CSMD1: variants seen among roughly 807,000 people sequenced by gnomAD.
The protein encoded by CSMD1 is CUB and sushi domain-containing protein 1.
A neutral mutation model predicts 417.5 loss-of-function variants in CSMD1; 213 were observed. The ratio of observed to expected loss-of-function variants is 0.51; its 90% CI spans 0.46 to 0.57. The LOEUF (loss-of-function observed/expected upper bound fraction) is 0.57, where lower values mean the gene tolerates loss of function less well. Ranked by LOEUF, CSMD1 falls within the 20% of genes least tolerant of loss-of-function variation. The pLI, the probability that CSMD1 is intolerant of heterozygous loss-of-function variation, is 0.00. For missense variants in CSMD1, 6,923 were observed against 4,529.7 expected (o/e 1.53, Z -15.17); for synonymous variants, 2,862 against 1,736.8 (o/e 1.65, Z -16.11).
At chr8:4,103,075 G>C (rs1243953406) in intron 3 of CSMD1, among the ~76,000 whole-genome samples, 5 of 152,120 alleles carry the variant, frequency 3.3e-5, no homozygotes, top group East Asian at 1.9e-4. Flanking sequence ...TGTGCCCTTG[G>C]TTTTGAGCTC....
chr8:3,720,976 C>T (rs915106821), intron 6 of CSMD1, among the ~76,000 whole-genome samples: 63 of 150,462 alleles, frequency 4.2e-4, no homozygotes, highest in Non-Finnish European at 1.5e-4. Context: ...CCACTACACC[C>T]GGCTAATTTA....
chr8:4,679,345 G>C (rs189149588), intron 1 of CSMD1, among the ~76,000 whole-genome samples: 1 of 152,268 alleles, frequency 6.6e-6, no homozygotes, highest in Admixed American at 6.5e-5. Flanking sequence ...GATAAACAAT[G>C]AAATATTAAA....
intron 1 of CSMD1, among the ~76,000 whole-genome samples, chr8:4,822,742 T>G (rs1799591570): frequency 6.6e-6 from 1 of 152,150 alleles, no homozygotes; most frequent in Non-Finnish European, 1.5e-5. Flanking sequence ...ATTCACTATT[T>G]TTATATATAA....
At chr8:4,248,228 G>C (rs1022110058) in intron 3 of CSMD1, among the ~76,000 whole-genome samples, 4 of 152,112 alleles carry the variant, frequency 2.6e-5, no homozygotes, top group Non-Finnish European at 4.4e-5. Context: ...ACAGCAGACA[G>C]TTGGCAGGAC....
intron 3 of CSMD1, among the ~76,000 whole-genome samples, chr8:4,326,600 G>A (rs1585238019): frequency 2.0e-5 from 3 of 152,218 alleles, no homozygotes; most frequent in South Asian, 4.2e-4. Context: ...TCTCTCCTAC[G>A]GAGAAAACAG....
chr8:4,878,190 T>G (rs1803168755), intron 1 of CSMD1, among the ~76,000 whole-genome samples: 1 of 152,010 alleles, frequency 6.6e-6, no homozygotes, highest in Admixed American at 6.6e-5. Context: ...AGGTGGTTCT[T>G]AAAATCACTC....
intron 27 of CSMD1, among the ~76,000 whole-genome samples, chr8:3,228,561 T>C (rs1438979640): frequency 6.6e-6 from 1 of 152,222 alleles, no homozygotes; most frequent in Non-Finnish European, 1.5e-5. Flanking sequence ...ATTTACCTTT[T>C]GGTGCGTATT....
intron 28 of CSMD1, among the ~76,000 whole-genome samples, chr8:3,223,084 A>C (rs1798308676): frequency 6.6e-6 from 1 of 152,218 alleles, no homozygotes; most frequent in Non-Finnish European, 1.5e-5. Flanking sequence ...CTAAAGTTAG[A>C]AAACATCTTT....
At chr8:4,673,837 T>C (rs1805503630) in intron 1 of CSMD1, among the ~76,000 whole-genome samples, 1 of 151,734 alleles carries the variant, frequency 6.6e-6, no homozygotes, top group Non-Finnish European at 1.5e-5. Flanking sequence ...AGCAATTGAG[T>C]GCTTGCCAGG....
intron 2 of CSMD1, among the ~76,000 whole-genome samples, chr8:4,468,597 A>C (rs1348554117): frequency 1.3e-5 from 2 of 152,106 alleles, no homozygotes; most frequent in Non-Finnish European, 2.9e-5. Flanking sequence ...GCCACAAATG[A>C]TTTTTCAAGA....
chr8:4,911,426 G>T (rs537502392), intron 1 of CSMD1, among the ~76,000 whole-genome samples: 17 of 152,294 alleles, frequency 1.1e-4, no homozygotes, highest in African/African-American at 3.9e-4. Flanking sequence ...CTCTGACACA[G>T]CATATTTTTC....
intron 2 of CSMD1, among the ~76,000 whole-genome samples, chr8:4,428,029 C>G (rs561224637): frequency 1.3e-5 from 2 of 152,262 alleles, no homozygotes; most frequent in South Asian, 4.1e-4. Flanking sequence ...GTACTTGAAG[C>G]CTTTCATTGC....
chr8:3,639,263 G>T (rs942617375), intron 7 of CSMD1, among the ~76,000 whole-genome samples: 1 of 152,304 alleles, frequency 6.6e-6, no homozygotes, highest in East Asian at 1.9e-4. Flanking sequence ...TATGAAATAG[G>T]TTGCTATTTG....
intron 4 of CSMD1, among the ~76,000 whole-genome samples, chr8:4,008,081 T>C (rs1816266985): frequency 6.6e-6 from 1 of 152,200 alleles, no homozygotes. Context: ...GGAGGTTTTT[T>C]CTTTGTTTTT....
chr8:3,645,104 A>C (rs1238363332), intron 7 of CSMD1, among the ~76,000 whole-genome samples: 3 of 152,076 alleles, frequency 2.0e-5, no homozygotes, highest in African/African-American at 7.2e-5. Context: ...TTCTGTCCTG[A>C]AGCCTGCTAA....
At chr8:4,343,089 G>T (rs565504431) in intron 3 of CSMD1, among the ~76,000 whole-genome samples, 92 of 152,038 alleles carry the variant, frequency 6.1e-4, no homozygotes, top group Non-Finnish European at 1.0e-3. Context: ...GTATCTCAGT[G>T]ACCAAGGGAT....
At chr8:4,317,744 C>T (rs931280339) in intron 3 of CSMD1, among the ~76,000 whole-genome samples, 3 of 152,066 alleles carry the variant, frequency 2.0e-5, no homozygotes, top group East Asian at 3.9e-4. Flanking sequence ...ATGTCTGTAC[C>T]ATTTAGGTTA....
chr8:4,171,401 T>G (rs970438351), intron 3 of CSMD1, among the ~76,000 whole-genome samples: 1 of 151,930 alleles, frequency 6.6e-6, no homozygotes, highest in Non-Finnish European at 1.5e-5. Flanking sequence ...ATTGTGAATA[T>G]TTGACCCTAT....
chr8:4,188,055 T>C (rs1340909023), intron 3 of CSMD1, among the ~76,000 whole-genome samples: 2 of 152,090 alleles, frequency 1.3e-5, no homozygotes, highest in African/African-American at 2.4e-5. Flanking sequence ...GTCCTAGTCA[T>C]AGGTGATTTA....
Sources: gnomAD v4.1 joint callset for allele counts (sites outside exome capture counted in the v4.1 genomes callset) on GRCh38, gnomAD v4.1.1 for gene constraint, MANE v1.5 for transcripts, NCBI Gene and HGNC (gene_info 2026-07-23, HGNC 2026-07-21) for gene names.